CIB4: variants seen among roughly 807,000 people sequenced by gnomAD.
CIB4 encodes calcium and integrin binding family member 4, also known as calcium and integrin-binding family member 4.
A neutral mutation model predicts 25.8 loss-of-function variants in CIB4; 25 were observed. The observed-to-expected ratio is 0.97, with a 90% CI of 0.71 to 1.35. CIB4 has a LOEUF of 1.35. Among genes scored for constraint, CIB4 ranks in the 40% most tolerant of loss-of-function variants. CIB4 has a pLI of 0.00. For missense variants in CIB4, 235 were observed against 228.2 expected (o/e 1.03, Z -0.19); for synonymous variants, 75 against 81.4 (o/e 0.92, Z 0.42).
intron 2 of CIB4, among the ~76,000 whole-genome samples, chr2:26,633,977 G>A (rs1007448928): frequency 3.9e-5 from 6 of 152,058 alleles, no homozygotes; most frequent in South Asian, 2.1e-4. Context: ...CTAGTCTTTC[G>A]TGCCTCTCTC....
intron 3 of CIB4, among the ~76,000 whole-genome samples, chr2:26,607,277 C>T (rs147750299): frequency 7.2e-5 from 11 of 152,284 alleles, no homozygotes; most frequent in African/African-American, 2.4e-4. Flanking sequence ...CATCTTGCAG[C>T]TTTTGACTAT....
intron 3 of CIB4, among the ~76,000 whole-genome samples, chr2:26,596,462 G>A (rs1282357471): frequency 6.6e-6 from 1 of 152,132 alleles, no homozygotes; most frequent in Non-Finnish European, 1.5e-5. Flanking sequence ...AGTAAAACTT[G>A]GCCAGGCACG....
At chr2:26,588,484 G>A (rs1275193957) in intron 4 of CIB4, among the ~76,000 whole-genome samples, 1 of 152,170 alleles carries the variant, frequency 6.6e-6, no homozygotes, top group Admixed American at 6.5e-5. Flanking sequence ...TGCTAGGAGG[G>A]GCTCAGAGAG....
At position 26,599,112 on chromosome 2, in the gene CIB4, T is replaced by C. The variant is rs576456643; in HGVS notation, c.187-3795A>G. Among the ~76,000 whole-genome samples the C allele has an allele frequency of 3.3e-5, 5 of 152,330 alleles. No homozygotes were observed. In the East Asian group the frequency reaches 9.7e-4, roughly 29 times the overall value. ...GAAATTTCACACTTTTTTAGAAGTC[T>C]TCAATCCTCCAGAGGAGGAAGGAAG... is the stretch of plus-strand genomic sequence containing the variant. On this transcript the variant is annotated intron_variant, in intron 3 of 6. Coordinates refer to ENST00000288861, the MANE Select transcript of CIB4 (RefSeq NM_001029881.3).
rs2141557 is a variant in CIB4 at position 26,621,752 on chromosome 2, G to C, written c.186+7658C>G. On this transcript the variant is annotated intron_variant, in intron 3 of 6. Transcript: ENST00000288861. Reference sequence around the variant, plus strand: ...GGTGAGAAGAATCTGAGATGGTCATGAAAGGAGATCCCAAGGTGGTAACAT... The same window carrying C: ...GGTGAGAAGAATCTGAGATGGTCATCAAAGGAGATCCCAAGGTGGTAACAT... 4.8e-3 allele frequency among the ~76,000 whole-genome samples: 732 copies of C among 152,302 alleles called. 4 individuals are homozygous for C. Among genetic ancestry groups the C allele is most frequent in the Non-Finnish European group, 5.5e-3 (377 of 68,022 alleles).
intron 5 of CIB4, 30 bp from the exon 6 acceptor site, chr2:26,582,943 T>C (rs767294998): frequency 7.4e-6 from 11 of 1,493,876 alleles, no homozygotes; most frequent in Non-Finnish European, 1.0e-5. Context: ...GACAGTTGAG[T>C]GGAACCCCAT....
At chr2:26,582,977 G>T (rs575844214) in intron 5 of CIB4, 64 bp from the exon 6 acceptor site, 11 of 1,106,874 alleles carry the variant, frequency 9.9e-6, no homozygotes, top group African/African-American at 9.2e-5. Flanking sequence ...GTGGGGCACA[G>T]GGTGGAGGGG....
chr2:26,588,643 T>A (rs1005085515), intron 4 of CIB4, among the ~76,000 whole-genome samples: 6 of 152,198 alleles, frequency 3.9e-5, no homozygotes, highest in Non-Finnish European at 8.8e-5. Flanking sequence ...ACCGTGACTT[T>A]TGTGAGAACT....
At chr2:26,609,753 T>C (rs770543051) in intron 3 of CIB4, among the ~76,000 whole-genome samples, 8 of 152,216 alleles carry the variant, frequency 5.3e-5, no homozygotes, top group Non-Finnish European at 8.8e-5. Context: ...TCAATTTTAA[T>C]GCTGTTGTAC....
intron 3 of CIB4, among the ~76,000 whole-genome samples, chr2:26,617,120 A>ATATGTGTGTG (rs146713738): frequency 1.5e-5 from 2 of 137,724 alleles, no homozygotes; most frequent in African/African-American, 5.8e-5. Context: ...AGAGCATGGA[A>ATATGTGTGTG]TGTGTGTGTG....
intron 4 of CIB4, among the ~76,000 whole-genome samples, chr2:26,588,988 T>C (rs1458466527): frequency 7.5e-5 from 3 of 40,120 alleles, no homozygotes; most frequent in East Asian, 4.7e-3. Flanking sequence ...TTTCTTCTTC[T>C]TCTTCTTCTT....
At chr2:26,605,885 C>T (rs969270057) in intron 3 of CIB4, among the ~76,000 whole-genome samples, 1 of 152,204 alleles carries the variant, frequency 6.6e-6, no homozygotes, top group Admixed American at 6.5e-5. Flanking sequence ...TACAGTGCTA[C>T]TTTTGACTCC....
intron 3 of CIB4, among the ~76,000 whole-genome samples, chr2:26,621,253 A>G (rs1324579668): frequency 1.3e-4 from 4 of 30,388 alleles, no homozygotes; most frequent in Non-Finnish European, 2.2e-4. Flanking sequence ...AGTTTCCAGG[A>G]AAAAAAAAAA....
intron 5 of CIB4, among the ~76,000 whole-genome samples, chr2:26,583,155 AGT>A (rs1249423080): frequency 6.6e-6 from 1 of 152,088 alleles, no homozygotes; most frequent in African/African-American, 2.4e-5. Context: ...AGAGAACAAG[AGT>A]GTCCCCCACC....
chr2:26,595,897 G>GCACACACACA (rs61283412), intron 3 of CIB4, among the ~76,000 whole-genome samples: 8 of 32,106 alleles, frequency 2.5e-4, no homozygotes, highest in Admixed American at 1.6e-3. Flanking sequence ...TTATCTGCGC[G>GCACACACACA]CACACACACA....
chr2:26,583,994 C>A, intron 4 of CIB4, 96 bp from the exon 5 acceptor site: 2 of 738,294 alleles, frequency 2.7e-6, no homozygotes, highest in Non-Finnish European at 4.8e-6. Context: ...CAGCCAGGAC[C>A]CCACAGATGC....
intron 4 of CIB4, among the ~76,000 whole-genome samples, chr2:26,584,355 G>C (rs1453986139): frequency 6.6e-6 from 1 of 152,056 alleles, no homozygotes; most frequent in African/African-American, 2.4e-5. Context: ...TTGGTGGCTG[G>C]GAGCCAGGCA....
At chr2:26,617,124 G>GTGTGTT (rs1669108548) in intron 3 of CIB4, among the ~76,000 whole-genome samples, 1 of 146,030 alleles carries the variant, frequency 6.8e-6, no homozygotes, top group South Asian at 2.2e-4. Context: ...CATGGAATGT[G>GTGTGTT]TGTGTGTGTG....
At chr2:26,618,199 A>T (rs1669132139) in intron 3 of CIB4, among the ~76,000 whole-genome samples, 1 of 152,144 alleles carries the variant, frequency 6.6e-6, no homozygotes. Flanking sequence ...CACCCTCCAC[A>T]TGTGCCATAT....
Sources: gnomAD v4.1 joint callset for allele counts (sites outside exome capture counted in the v4.1 genomes callset) on GRCh38, gnomAD v4.1.1 for gene constraint, MANE v1.5 for transcripts, NCBI Gene and HGNC (gene_info 2026-07-23, HGNC 2026-07-21) for gene names.